Variants in RNF135 observed in about 807,000 individuals in gnomAD.
RNF135 encodes E3 ubiquitin-protein ligase RNF135.
A neutral mutation model predicts 41.9 loss-of-function variants in RNF135; 46 were observed. The ratio of observed to expected loss-of-function variants is 1.10; its 90% confidence interval spans 0.87 to 1.40. The LOEUF (loss-of-function observed/expected upper bound fraction) is 1.40, where lower values mean the gene tolerates loss of function less well. RNF135 is among the 40% of genes most tolerant of loss of function. The pLI, the probability that RNF135 is intolerant of heterozygous loss-of-function variation, is 0.00. For synonymous variants in RNF135, 238 were observed against 223.8 expected (o/e 1.06, Z -0.57); for missense variants, 539 against 549.8 (o/e 0.98, Z 0.20).
At chr17:30,968,428 C>G (rs1027559349), upstream of RNF135, among the ~76,000 whole-genome samples, 5 of 150,382 alleles carry the variant, frequency 3.3e-5, no homozygotes, top group Non-Finnish European at 5.9e-5. Flanking sequence ...CTCTGTCGCC[C>G]AGGCTGGAGT....
At chr17:30,996,979 TA>T (rs1908391746) in intron 3 of RNF135, among the ~76,000 whole-genome samples, 1 of 152,148 alleles carries the variant, frequency 6.6e-6, no homozygotes. Context: ...GCTTGGTGCT[TA>T]GAACATATAG....
chr17:30,987,936 A>G lies in RNF135; in HGVS notation c.517-8A>G. ...CCATTTATTCAGTTTTAAATGGTTT[A>G]TCAATAGGCTTTTTCTTCTGGGGTG... On this transcript the variant is annotated splice_polypyrimidine_tract_variant and splice_region_variant and intron_variant, in intron 2 of 4. Transcript: ENST00000328381. The G allele has an allele frequency of 6.2e-7, 1 of 1,613,782 alleles. No homozygotes were observed.
chr17:30,980,132 G>C (rs1231382577), intron 1 of RNF135: 4 of 138,604 alleles, frequency 2.9e-5, no homozygotes, highest in Non-Finnish European at 6.1e-5. Context: ...GGGCAGAGGG[G>C]CTCCTCACTT....
At position 30,976,311 on chromosome 17, in the gene RNF135, A is replaced by AT. The variant is rs1010709709; in HGVS notation, c.372+4874dup. Among the ~76,000 whole-genome samples, 9 of 152,094 alleles carry AT rather than the reference A, an allele frequency of 5.9e-5. No homozygotes were observed. In the East Asian group the frequency reaches 7.7e-4, roughly 13 times the overall value. On this transcript the variant is annotated intron_variant, in intron 1 of 4. Coordinates refer to ENST00000328381, the MANE Select transcript of RNF135 (RefSeq NM_032322.4). ...GAACCACCACGCCCAGCCTATTTCA[A>AT]TTTTTTTTGAATGTTTTAAGACTTG...
At chr17:30,967,369 T>C (rs1905592556), upstream of RNF135, among the ~76,000 whole-genome samples, 1 of 152,188 alleles carries the variant, frequency 6.6e-6, no homozygotes, top group Non-Finnish European at 1.5e-5. Flanking sequence ...ATCTGTCTTA[T>C]TAATAGCTAT....
rs531301373 is a variant in RNF135 at position 30,971,396 on chromosome 17, C to A, written c.323C>A (p.Ser108Tyr). 6.6e-7 allele frequency: 1 copy of A among 1,522,016 alleles called. No homozygotes were observed. The highest frequency in any genetic ancestry group is 2.6e-5 in the East Asian group (1 of 38,754). The allele number at this position is 1,522,016 out of a possible 1,614,324, so 94.3% of individuals were successfully genotyped here. A position where few individuals can be genotyped will look rare whatever the true frequency, so the allele number is the denominator to read the frequency against. The part of the protein sequence containing the change: ...PAHCPCPGSS[S>Y]LSSAAARPRR... ...CACTGCCCCTGCCCGGGCTCCAGTT[C>A]CCTCTCCAGCGCGGCCGCGAGGCCC... The change falls in exon 1 of 5, where the codon TCC becomes TAC. Residue 108 changes from serine to tyrosine, a missense_variant. This residue lies in a region of RNF135 where 277 missense variants were observed against 212.8 expected (regional missense o/e 1.30). Coordinates refer to ENST00000328381, the MANE Select transcript of RNF135 (RefSeq NM_032322.4).
the RNF135 span, among the ~76,000 whole-genome samples, chr17:30,960,045 C>T: frequency 2.0e-5 from 3 of 150,854 alleles, no homozygotes; most frequent in Non-Finnish European, 3.0e-5. Flanking sequence ...CTTGTATTAG[C>T]GTTCTCCAGA....
At chr17:30,990,999 T>C (rs762571512) in intron 3 of RNF135, among the ~76,000 whole-genome samples, 3 of 152,190 alleles carry the variant, frequency 2.0e-5, no homozygotes, top group South Asian at 2.1e-4. Context: ...GGTGTAGATA[T>C]ATTTGTAGCT....
intron 1 of RNF135, among the ~76,000 whole-genome samples, chr17:30,983,011 A>C (rs1907267205): frequency 6.6e-6 from 1 of 152,006 alleles, no homozygotes; most frequent in Non-Finnish European, 1.5e-5. Context: ...TGAATCATAC[A>C]GTATCTGTCT....
the RNF135 span, among the ~76,000 whole-genome samples, chr17:30,964,601 C>T: frequency 6.6e-6 from 1 of 151,766 alleles, no homozygotes; most frequent in Admixed American, 6.6e-5. Flanking sequence ...GAGACTCTGT[C>T]TCAAAACAAA....
At chr17:30,983,282 T>C (rs1474323457) in intron 1 of RNF135, among the ~76,000 whole-genome samples, 4 of 139,636 alleles carry the variant, frequency 2.9e-5, no homozygotes, top group East Asian at 2.1e-4. Context: ...GGAAGTGGAA[T>C]TGCTAAATCA....
intron 1 of RNF135, 34 bp downstream of exon 1, chr17:30,971,479 C>A: frequency 1.4e-6 from 2 of 1,458,656 alleles, no homozygotes; most frequent in South Asian, 1.4e-5. Context: ...CCCCTGGCTC[C>A]CCCGGGCTGC....
chr17:30,971,128 C>T lies in RNF135; in HGVS notation c.55C>T (p.Leu19Phe), dbSNP rs534146867. Residue 19 changes from leucine to phenylalanine, a missense_variant, in exon 1 of 5, where the codon CTC (leucine) becomes TTC (phenylalanine). By Grantham distance (22) the Leu-to-Phe change is conservative. Transcript: ENST00000328381. ...AVPVWLAEDD[L>F]GCIICQGLLD... ...TCCCGTGTGGCTGGCCGAGGACGAC[C>T]TCGGCTGCATCATCTGCCAGGGGCT... 3.9e-6 allele frequency: 6 copies of T among 1,534,254 alleles called. No individual in the cohort carries two copies. Among genetic ancestry groups the T allele is most frequent in the Middle Eastern group, 3.4e-4 (2 of 5,806 alleles).
Position 30,971,349 on chromosome 17 carries a change from A to G in RNF135, c.276A>G (p.Ile92Met), listed in dbSNP as rs768418703. Residue 92 changes from isoleucine to methionine, a missense_variant, in exon 1 of 5, where the codon ATA (isoleucine) becomes ATG (methionine). Around this residue, in one of 2 missense-constraint regions of RNF135, gnomAD observed 277 missense variants for 212.8 expected, o/e 1.30. Transcript: ENST00000328381. ...AGTACCGCCGCGCCGCACGCGAGAT[A>G]CAGGCGGGCTCCGACCCTGCCCACT... ...ADKYRRAAREIQAGSDPAHCP... is the reference protein window; with the variant it reads ...ADKYRRAAREMQAGSDPAHCP... 1 of 1,532,050 alleles carries G rather than the reference A, an allele frequency of 6.5e-7. No homozygotes were observed. The highest frequency in any genetic ancestry group is 2.5e-5 in the East Asian group (1 of 39,596). 94.9% of individuals were successfully genotyped at this position (1,532,050 alleles called of 1,614,324 possible).
upstream of RNF135, chr17:30,970,149 CTTCATTGTTACCATGAGA>C (rs781348379): frequency 6.6e-6 from 1 of 151,460 alleles, no homozygotes; most frequent in Non-Finnish European, 1.5e-5. Flanking sequence ...GTCTCTGACG[CTTCATTGTTACCATGAGA>C]GCCTGCAAGT....
intron 2 of RNF135, among the ~76,000 whole-genome samples, chr17:30,985,712 A>G (rs541528218): frequency 6.6e-6 from 1 of 152,280 alleles, no homozygotes; most frequent in East Asian, 1.9e-4. Flanking sequence ...ACAAACATCA[A>G]TCTGAAAATG....
upstream of RNF135, among the ~76,000 whole-genome samples, chr17:30,969,828 A>G (rs1167049941): frequency 7.3e-6 from 1 of 136,400 alleles, no homozygotes; most frequent in East Asian, 2.2e-4. Context: ...GCAGTGGCGC[A>G]GTCTTGGCTC....
At chr17:30,972,545 C>G (rs1402906499) in intron 1 of RNF135, 1 of 152,216 alleles carries the variant, frequency 6.6e-6, no homozygotes, top group African/African-American at 2.4e-5. Context: ...GCAGTAACTC[C>G]TCATTTCTCC....
intron 1 of RNF135, among the ~76,000 whole-genome samples, chr17:30,977,656 C>G (rs968135161): frequency 2.0e-5 from 3 of 151,626 alleles, no homozygotes; most frequent in African/African-American, 7.3e-5. Flanking sequence ...TTACAGGCCA[C>G]CTCCTGGGTT....
Sources: allele counts gnomAD v4.1 joint callset (sites outside exome capture counted in the v4.1 genomes callset), GRCh38; gene constraint gnomAD v4.1.1; regional missense constraint gnomAD v4.1.1; transcripts MANE v1.5; gene names NCBI Gene and HGNC (gene_info 2026-07-23, HGNC 2026-07-21).